Variants in RIMS2 observed in about 807,000 individuals in gnomAD.
RIMS2 encodes regulating synaptic membrane exocytosis 2.
RIMS2 carries 59 observed loss-of-function variants against 174.4 expected under a neutral mutation model. The observed-to-expected ratio is 0.34, with a 90% CI of 0.27 to 0.42. The LOEUF (loss-of-function observed/expected upper bound fraction) is 0.42. Ranked by LOEUF, RIMS2 falls within the 10% of genes least tolerant of loss-of-function variation. The pLI, the probability that RIMS2 is intolerant of heterozygous loss-of-function variation, is 1.00. For synonymous variants in RIMS2, 606 were observed against 572.5 expected (o/e 1.06, Z -0.84); for missense variants, 1,620 against 1,666.3 (o/e 0.97, Z 0.48).
chr8:103,926,538 T>A (rs2078820651), intron 10 of RIMS2, among the ~76,000 whole-genome samples: 1 of 151,584 alleles, frequency 6.6e-6, no homozygotes, highest in Non-Finnish European at 1.5e-5. Flanking sequence ...TCTGCTTTCC[T>A]TTGGGTTTTA....
At chr8:103,561,858 T>C (rs2091643859) in intron 1 of RIMS2, among the ~76,000 whole-genome samples, 1 of 152,174 alleles carries the variant, frequency 6.6e-6, no homozygotes, top group Non-Finnish European at 1.5e-5. Flanking sequence ...CAGTTCCACA[T>C]GGCTGGTGAG....
chr8:103,649,648 C>CTTTTTTTTTTT (rs71575979), intron 1 of RIMS2, among the ~76,000 whole-genome samples: 1 of 143,402 alleles, frequency 7.0e-6, no homozygotes, highest in African/African-American at 2.6e-5. Context: ...CCTTTTCATT[C>CTTTTTTTTTTT]TTTTTTTTTT....
rs563892979 is a variant in RIMS2 at position 103,770,028 on chromosome 8, T to G, written c.698+3491T>G. On this transcript the variant is annotated intron_variant, in intron 3 of 23. Coordinates refer to ENST00000504942, the Ensembl canonical transcript of RIMS2. ...GAAACACTTTAAAGAGTATTTCTTT[T>G]ATTTTAAAATGCAGATTATACAGTA... Among the ~76,000 whole-genome samples, 10 of 152,342 alleles carry G rather than the reference T, an allele frequency of 6.6e-5. No individual in the cohort carries two copies. The South Asian group carries it at 2.1e-3, about 32-fold the overall frequency.
At chr8:104,165,882 C>A (rs548843412) in intron 19 of RIMS2, among the ~76,000 whole-genome samples, 1 of 152,062 alleles carries the variant, frequency 6.6e-6, no homozygotes, top group Non-Finnish European at 1.5e-5. Context: ...TGGTGTCGTG[C>A]AGGCACTATG....
At chr8:103,799,658 G>T (rs1488354043) in intron 3 of RIMS2, among the ~76,000 whole-genome samples, 1 of 152,152 alleles carries the variant, frequency 6.6e-6, no homozygotes, top group Non-Finnish European at 1.5e-5. Context: ...TGGTGGATAT[G>T]AGGGGGTATT....
At chr8:104,051,270 G>T (rs991864843) in intron 19 of RIMS2, among the ~76,000 whole-genome samples, 1 of 151,592 alleles carries the variant, frequency 6.6e-6, no homozygotes, top group Non-Finnish European at 1.5e-5. Context: ...ATATATATAT[G>T]TATGTGTGTG....
chr8:104,154,604 A>G (rs1191283948), intron 19 of RIMS2, among the ~76,000 whole-genome samples: 1 of 152,242 alleles, frequency 6.6e-6, no homozygotes, highest in Non-Finnish European at 1.5e-5. Flanking sequence ...AGAGAATCAA[A>G]GAAGAGCTTT....
chr8:103,899,506 T>C (rs377538034), intron 4 of RIMS2, among the ~76,000 whole-genome samples: 3 of 151,776 alleles, frequency 2.0e-5, no homozygotes, highest in South Asian at 4.1e-4. Context: ...TGTCTGTTGG[T>C]TGCATAAATG....
At chr8:103,851,289 T>C (rs954733699) in intron 3 of RIMS2, among the ~76,000 whole-genome samples, 2 of 151,878 alleles carry the variant, frequency 1.3e-5, no homozygotes, top group African/African-American at 2.4e-5. Context: ...TATGTGGTAC[T>C]ATATTTCTAT....
intron 3 of RIMS2, among the ~76,000 whole-genome samples, chr8:103,804,502 C>G (rs550290019): frequency 1.1e-4 from 17 of 152,248 alleles, no homozygotes; most frequent in African/African-American, 3.6e-4. Context: ...ACTCAGCTTC[C>G]TTGACTGTTT....
At chr8:103,645,531 A>G (rs1012065753) in intron 1 of RIMS2, among the ~76,000 whole-genome samples, 1 of 152,148 alleles carries the variant, frequency 6.6e-6, no homozygotes, top group Non-Finnish European at 1.5e-5. Flanking sequence ...GATTTTGCTG[A>G]CCAGTTTTCA....
chr8:103,760,090 C>T (rs1421635153), intron 2 of RIMS2, among the ~76,000 whole-genome samples: 1 of 152,188 alleles, frequency 6.6e-6, no homozygotes, highest in African/African-American at 2.4e-5. Context: ...AATAAATACG[C>T]TACCTTTCTT....
At chr8:103,879,839 G>A (rs1234084672) in intron 3 of RIMS2, among the ~76,000 whole-genome samples, 1 of 151,516 alleles carries the variant, frequency 6.6e-6, no homozygotes, top group Non-Finnish European at 1.5e-5. Context: ...AGTAATATTA[G>A]TATCCAGATA....
At chr8:103,602,272 C>T (rs192724253) in intron 1 of RIMS2, among the ~76,000 whole-genome samples, 2 of 152,324 alleles carry the variant, frequency 1.3e-5, no homozygotes, top group Non-Finnish European at 2.9e-5. Context: ...CAGGCATGAG[C>T]CACCACGCCT....
intron 19 of RIMS2, among the ~76,000 whole-genome samples, chr8:104,108,742 T>C (rs746267458): frequency 6.6e-6 from 1 of 152,208 alleles, no homozygotes; most frequent in Non-Finnish European, 1.5e-5. Context: ...TGAAAATATT[T>C]TGAGTAGATA....
Position 104,168,725 on chromosome 8 carries a change from A to G in RIMS2, c.3335-76191A>G, listed in dbSNP as rs2098812663. Among the ~76,000 whole-genome samples the G allele has an allele frequency of 3.9e-5, 6 of 152,172 alleles. No individual in the cohort carries two copies. In the South Asian group the frequency reaches 1.2e-3, roughly 32 times the overall value. On this transcript the variant is annotated intron_variant, in intron 19 of 23. Coordinates refer to ENST00000504942, the Ensembl canonical transcript of RIMS2. ...AAAGTGGGCATCCTTGTCTTGTTCCAGTTCTCAAGGGGAATGCTTTCAACT... is the reference window on the plus strand; with the variant it reads ...AAAGTGGGCATCCTTGTCTTGTTCCGGTTCTCAAGGGGAATGCTTTCAACT...
At chr8:103,718,888 A>G (rs1481698075) in intron 2 of RIMS2, among the ~76,000 whole-genome samples, 4 of 152,066 alleles carry the variant, frequency 2.6e-5, no homozygotes, top group Admixed American at 2.6e-4. Flanking sequence ...GGCCCGGCTG[A>G]TCTCAAATGC....
At chr8:103,760,348 A>C (rs113441959) in intron 2 of RIMS2, among the ~76,000 whole-genome samples, 8 of 152,200 alleles carry the variant, frequency 5.3e-5, no homozygotes, top group African/African-American at 1.9e-4. Flanking sequence ...AGATGAAGAA[A>C]ATTTCTGATT....
intron 3 of RIMS2, among the ~76,000 whole-genome samples, chr8:103,832,720 CTT>C (rs1248693158): frequency 4.6e-5 from 7 of 152,134 alleles, no homozygotes; most frequent in Non-Finnish European, 8.8e-5. Flanking sequence ...TGATCTCATT[CTT>C]TTTTTATGGC....
Sources: allele counts gnomAD v4.1 joint callset (sites outside exome capture counted in the v4.1 genomes callset), GRCh38; gene constraint gnomAD v4.1.1; transcripts MANE v1.5; gene names NCBI Gene and HGNC (gene_info 2026-07-23, HGNC 2026-07-21).